FMN1: variants seen among roughly 807,000 people sequenced by gnomAD.
The protein encoded by FMN1 is formin-1.
In FMN1, 110 loss-of-function variants were observed where a neutral mutation model predicts 132.4. The ratio of observed to expected loss-of-function variants is 0.83; its 90% CI spans 0.71 to 0.97. FMN1 has a LOEUF of 0.97. FMN1 is among the 50% of genes least tolerant of loss of function. FMN1 has a pLI of 0.00. For synonymous variants in FMN1, 722 were observed against 651.7 expected, an observed-to-expected ratio of 1.11 and a Z score of -1.64; for missense variants, 1,792 against 1,705.3, an observed-to-expected ratio of 1.05 and a Z score of -0.90.
rs117229164 is a variant in FMN1 at position 32,870,984 on chromosome 15, A to C, written c.3836-13877T>G. Among the ~76,000 whole-genome samples the C allele has an allele frequency of 4.9e-4, 75 of 152,258 alleles. No individual in the cohort carries two copies. In the East Asian group the frequency reaches 0.012, roughly 24 times the overall value. On this transcript the variant is annotated intron_variant, in intron 16 of 20. Coordinates refer to ENST00000616417, the MANE Select transcript of FMN1 (RefSeq NM_001277313.2). ...GGTTTAGGAGGTAGGGGATTTCAAA[A>C]ACAATAGGTAGGAAAGTTGTGTTAA...
chr15:32,940,053 T>C (rs944307383), intron 9 of FMN1, among the ~76,000 whole-genome samples: 1 of 152,164 alleles, frequency 6.6e-6, no homozygotes, highest in African/African-American at 2.4e-5. Context: ...AATTTTTCAG[T>C]TGTTTGGCCT....
chr15:33,158,523 G>A (rs561419274), intron 3 of FMN1, among the ~76,000 whole-genome samples: 1 of 152,250 alleles, frequency 6.6e-6, no homozygotes, highest in South Asian at 2.1e-4. Context: ...CACTTGTGGT[G>A]CACATGTCCG....
intron 5 of FMN1, 40 bp from the exon 6 acceptor site, chr15:33,065,114 A>G: frequency 7.4e-7 from 1 of 1,357,648 alleles, no homozygotes; most frequent in Non-Finnish European, 1.0e-6. Context: ...GAATGTAGTC[A>G]GAGCCGATTA....
intron 16 of FMN1, among the ~76,000 whole-genome samples, chr15:32,887,101 T>G (rs968788178): frequency 6.6e-6 from 1 of 152,242 alleles, no homozygotes; most frequent in Non-Finnish European, 1.5e-5. Flanking sequence ...TAAAAATAAA[T>G]GGCTCTCTTT....
intron 6 of FMN1, among the ~76,000 whole-genome samples, chr15:33,057,356 G>A (rs2037264218): frequency 6.6e-6 from 1 of 152,126 alleles, no homozygotes. Context: ...CTATAACTCA[G>A]AGCTATATAC....
intron 19 of FMN1, among the ~76,000 whole-genome samples, chr15:32,779,404 T>C: frequency 6.6e-6 from 1 of 152,220 alleles, no homozygotes; most frequent in East Asian, 1.9e-4. Flanking sequence ...TGTAAACAAT[T>C]AGACAATATT....
chr15:33,099,880 G>C (rs2039229425), intron 4 of FMN1, among the ~76,000 whole-genome samples: 1 of 152,174 alleles, frequency 6.6e-6, no homozygotes, highest in Non-Finnish European at 1.5e-5. Context: ...AATTTCTCCA[G>C]CACATGTCTT....
intron 19 of FMN1, among the ~76,000 whole-genome samples, chr15:32,790,512 T>C (rs2057038494): frequency 6.6e-6 from 1 of 152,192 alleles, no homozygotes; most frequent in African/African-American, 2.4e-5. Flanking sequence ...ACCACAGATT[T>C]CTAGACTCTA....
intron 11 of FMN1, among the ~76,000 whole-genome samples, chr15:32,909,231 A>G (rs2060500541): frequency 6.6e-6 from 1 of 151,920 alleles, no homozygotes; most frequent in Non-Finnish European, 1.5e-5. Flanking sequence ...TTTAACATGA[A>G]CCACTGTATC....
intron 3 of FMN1, among the ~76,000 whole-genome samples, chr15:33,168,660 G>A (rs1965200432): frequency 6.6e-6 from 1 of 152,208 alleles, no homozygotes; most frequent in South Asian, 2.1e-4. Flanking sequence ...AAGTGTCAAA[G>A]TTTGACGTGG....
intron 14 of FMN1, chr15:32,899,738 G>A: frequency 1.8e-6 from 1 of 551,712 alleles, no homozygotes; most frequent in Non-Finnish European, 3.2e-6. Context: ...GTGTATGTCA[G>A]AGCACACGAA....
intron 7 of FMN1, among the ~76,000 whole-genome samples, chr15:32,971,527 C>T (rs1207288326): frequency 6.6e-6 from 1 of 152,124 alleles, no homozygotes; most frequent in Non-Finnish European, 1.5e-5. Flanking sequence ...TCTCTCTTTC[C>T]TGTCCACTTC....
chr15:33,187,513 C>T (rs760330955), intron 2 of FMN1, among the ~76,000 whole-genome samples: 1 of 152,146 alleles, frequency 6.6e-6, no homozygotes, highest in Non-Finnish European at 1.5e-5. Flanking sequence ...GTCACAAGAC[C>T]CTAGAGCCCT....
chr15:33,039,756 C>T (rs2036343976), intron 6 of FMN1, among the ~76,000 whole-genome samples: 1 of 151,910 alleles, frequency 6.6e-6, no homozygotes, highest in Admixed American at 6.6e-5. Context: ...TTTATTATCT[C>T]TGATTCCATT....
At chr15:33,052,183 T>G (rs1596558365) in intron 6 of FMN1, among the ~76,000 whole-genome samples, 1 of 152,220 alleles carries the variant, frequency 6.6e-6, no homozygotes, top group South Asian at 2.1e-4. Flanking sequence ...AAAGAACACA[T>G]GAATACTATA....
intron 4 of FMN1, among the ~76,000 whole-genome samples, chr15:33,128,572 C>T (rs1031248918): frequency 6.6e-6 from 1 of 152,176 alleles, no homozygotes; most frequent in African/African-American, 2.4e-5. Context: ...TTCTTGCTTC[C>T]GATGCGTTCG....
intron 5 of FMN1, among the ~76,000 whole-genome samples, chr15:33,073,596 T>C (rs962047632): frequency 2.0e-5 from 3 of 152,002 alleles, no homozygotes; most frequent in Non-Finnish European, 4.4e-5. Flanking sequence ...AATTATAACA[T>C]CATAAGGAGT....
intron 19 of FMN1, among the ~76,000 whole-genome samples, chr15:32,785,218 A>ATATATATATATATTTT (rs1444523400): frequency 2.6e-5 from 1 of 39,204 alleles, no homozygotes. Context: ...ATATATATAT[A>ATATATATATATATTTT]TTTTTTTTTT....
chr15:33,174,097 G>A lies in FMN1; in HGVS notation c.-132+6101C>T, dbSNP rs116463084. 2.2e-3 allele frequency among the ~76,000 whole-genome samples: 336 copies of A among 151,996 alleles called. 1 individual carries two copies. The highest frequency in any genetic ancestry group is 7.6e-3 in the African/African-American group (314 of 41,420). On this transcript the variant is annotated intron_variant, in intron 3 of 20. Coordinates refer to ENST00000616417, the MANE Select transcript of FMN1 (RefSeq NM_001277313.2). The stretch of plus-strand genomic sequence containing the variant: ...GGAACCTATAAACAACAATTTCTGG[G>A]TTATTAAGCTTATAGAGGATGAAGA...
Sources: allele counts gnomAD v4.1 joint callset (sites outside exome capture counted in the v4.1 genomes callset), GRCh38; gene constraint gnomAD v4.1.1; transcripts MANE v1.5; gene names NCBI Gene and HGNC (gene_info 2026-07-23, HGNC 2026-07-21).